Variants in COL23A1 observed in about 807,000 individuals in gnomAD.
The protein encoded by COL23A1 is collagen alpha-1(XXIII) chain.
Under a neutral mutation model 99.3 loss-of-function variants are expected in COL23A1, and 97 were observed. That is an observed-to-expected ratio of 0.98 (90% CI 0.83 to 1.16). The LOEUF is 1.16. Among genes scored for constraint, COL23A1 ranks in the 50% most tolerant of loss-of-function variants. The pLI is 0.00. For synonymous variants in COL23A1, 320 were observed against 308.2 expected, an observed-to-expected ratio of 1.04 and a Z score of -0.40; for missense variants, 762 against 757.4, an observed-to-expected ratio of 1.01 and a Z score of -0.07.
chr5:178,258,272 A>ATATATATATATAT (rs1765437453), intron 12 of COL23A1, among the ~76,000 whole-genome samples: 1 of 103,216 alleles, frequency 9.7e-6, no homozygotes, highest in African/African-American at 3.1e-5. Context: ...TACACATGCA[A>ATATATATATATAT]ATCAATTCTA....
chr5:178,319,928 C>T (rs969663887), intron 2 of COL23A1, among the ~76,000 whole-genome samples: 4 of 152,196 alleles, frequency 2.6e-5, no homozygotes, highest in African/African-American at 9.7e-5. Context: ...CGGCCGCATG[C>T]CCCTCCGTCA....
chr5:178,425,089 G>C (rs1044414573), intron 2 of COL23A1, among the ~76,000 whole-genome samples: 3 of 152,144 alleles, frequency 2.0e-5, no homozygotes, highest in African/African-American at 7.2e-5. Context: ...CCTGGCCAGC[G>C]GAGAAAAACG....
chr5:178,342,331 C>G (rs1363247754), intron 2 of COL23A1, among the ~76,000 whole-genome samples: 1 of 152,216 alleles, frequency 6.6e-6, no homozygotes. Context: ...TCCTGGCATC[C>G]TTTTTCTCAG....
At chr5:178,402,291 G>C (rs1242676638) in intron 2 of COL23A1, among the ~76,000 whole-genome samples, 1 of 151,966 alleles carries the variant, frequency 6.6e-6, no homozygotes, top group Non-Finnish European at 1.5e-5. Flanking sequence ...GGGAGTTGGA[G>C]GCCAGCCTGG....
chr5:178,380,051 AT>A (rs1452889130), intron 2 of COL23A1, among the ~76,000 whole-genome samples: 1 of 152,170 alleles, frequency 6.6e-6, no homozygotes. Flanking sequence ...TCCTGAACCG[AT>A]GCTGCCTCCA....
intron 18 of COL23A1, among the ~76,000 whole-genome samples, chr5:178,249,716 A>ACACACACTCTCTCTCTCT: frequency 1.3e-4 from 12 of 92,806 alleles, no homozygotes; most frequent in African/African-American, 4.3e-4. Context: ...ACACACACAC[A>ACACACACTCTCTCTCTCT]CTCTCTCTCT....
chr5:178,475,912 C>T (rs553910445), intron 2 of COL23A1, among the ~76,000 whole-genome samples: 1 of 152,208 alleles, frequency 6.6e-6, no homozygotes, highest in African/African-American at 2.4e-5. Flanking sequence ...CTTCGAATTC[C>T]TTGGACATCG....
chr5:178,327,571 G>T (rs890583254), intron 2 of COL23A1, among the ~76,000 whole-genome samples: 4 of 152,154 alleles, frequency 2.6e-5, no homozygotes, highest in African/African-American at 9.7e-5. Context: ...CAGCAGTCCT[G>T]GGGGGCCGGT....
intron 2 of COL23A1, among the ~76,000 whole-genome samples, chr5:178,534,253 G>T (rs1760810267): frequency 6.6e-6 from 1 of 152,140 alleles, no homozygotes; most frequent in Non-Finnish European, 1.5e-5. Flanking sequence ...CCTTCACACG[G>T]TGGAAGGAAA....
At chr5:178,389,226 C>T (rs576693753) in intron 2 of COL23A1, among the ~76,000 whole-genome samples, 1 of 152,256 alleles carries the variant, frequency 6.6e-6, no homozygotes, top group East Asian at 1.9e-4. Flanking sequence ...TGCCTGGAAG[C>T]GGCTTTCCTT....
At chr5:178,429,354 T>C (rs1766127968) in intron 2 of COL23A1, among the ~76,000 whole-genome samples, 1 of 152,132 alleles carries the variant, frequency 6.6e-6, no homozygotes, top group South Asian at 2.1e-4. Context: ...CTAGAGAAAG[T>C]TGCCCTGCTT....
At chr5:178,330,492 C>T (rs1468564912) in intron 2 of COL23A1, among the ~76,000 whole-genome samples, 2 of 151,808 alleles carry the variant, frequency 1.3e-5, no homozygotes, top group African/African-American at 2.4e-5. Context: ...CTCGTCTCTA[C>T]AAAAAAATAC....
chr5:178,330,329 A>C (rs1759943426), intron 2 of COL23A1, among the ~76,000 whole-genome samples: 1 of 152,198 alleles, frequency 6.6e-6, no homozygotes, highest in African/African-American at 2.4e-5. Context: ...TGACTGGGTC[A>C]AGCCGTCTGA....
intron 5 of COL23A1, among the ~76,000 whole-genome samples, chr5:178,283,008 C>T (rs1426578942): frequency 6.6e-6 from 1 of 152,056 alleles, no homozygotes; most frequent in Non-Finnish European, 1.5e-5. Context: ...GTAGCTGGGA[C>T]TACAGGCATG....
At chr5:178,363,590 C>T (rs1762292646) in intron 2 of COL23A1, among the ~76,000 whole-genome samples, 1 of 152,236 alleles carries the variant, frequency 6.6e-6, no homozygotes, top group Non-Finnish European at 1.5e-5. Flanking sequence ...TTTTGGTCAG[C>T]ACCCATATGA....
At chr5:178,279,716 C>T (rs772781683) in intron 5 of COL23A1, among the ~76,000 whole-genome samples, 11 of 152,180 alleles carry the variant, frequency 7.2e-5, no homozygotes, top group Non-Finnish European at 1.3e-4. Flanking sequence ...CCTCCCCCTA[C>T]GCCCTTACCA....
At chr5:178,278,601 G>A (rs1756720975) in intron 5 of COL23A1, among the ~76,000 whole-genome samples, 1 of 152,064 alleles carries the variant, frequency 6.6e-6, no homozygotes. Flanking sequence ...GTGAGCCCGT[G>A]AGCCTGCAAT....
At chr5:178,492,995 T>A (rs1431769190) in intron 2 of COL23A1, among the ~76,000 whole-genome samples, 2 of 152,204 alleles carry the variant, frequency 1.3e-5, no homozygotes, top group Admixed American at 1.3e-4. Context: ...GGTAAGCTGC[T>A]CTTAAGTGTG....
At chr5:178,473,786 C>T (rs1005399824) in intron 2 of COL23A1, among the ~76,000 whole-genome samples, 17 of 152,208 alleles carry the variant, frequency 1.1e-4, no homozygotes, top group Middle Eastern at 3.4e-3. Flanking sequence ...CTCTCATGAA[C>T]GCTGACACTG....
Sources: allele counts gnomAD v4.1 joint callset (sites outside exome capture counted in the v4.1 genomes callset), GRCh38; gene constraint gnomAD v4.1.1; transcripts MANE v1.5; gene names NCBI Gene and HGNC (gene_info 2026-07-23, HGNC 2026-07-21).